USP16: variants seen among roughly 807,000 people sequenced by gnomAD.
USP16 encodes ubiquitin specific peptidase 16, also known as ubiquitin carboxyl-terminal hydrolase 16.
A neutral mutation model predicts 95.9 loss-of-function variants in USP16; 77 were observed. The observed-to-expected ratio is 0.80, with a 90% CI of 0.67 to 0.97. The LOEUF (loss-of-function observed/expected upper bound fraction) is 0.97, where lower values mean the gene tolerates loss of function less well. Among genes scored for constraint, USP16 ranks in the 50% least tolerant of loss-of-function variants. The pLI, the probability that USP16 is intolerant of heterozygous loss-of-function variation, is 0.00. For missense variants in USP16, 943 were observed against 959.9 expected (o/e 0.98, Z 0.23); for synonymous variants, 303 against 318.2 (o/e 0.95, Z 0.51).
At chr21:29,047,934 A>C (rs1487474423) in intron 14 of USP16, among the ~76,000 whole-genome samples, 1 of 151,064 alleles carries the variant, frequency 6.6e-6, no homozygotes, top group Admixed American at 6.6e-5. Flanking sequence ...TGTATCTTAT[A>C]TGTGTGTGTA....
chr21:29,039,671 C>A, intron 9 of USP16, 103 bp downstream of exon 9: 2 of 1,143,428 alleles, frequency 1.7e-6, no homozygotes, highest in Non-Finnish European at 2.4e-6. Flanking sequence ...GTTATTAAGG[C>A]CATCATACTT....
intron 4 of USP16, among the ~76,000 whole-genome samples, chr21:29,036,032 G>A (rs1033321543): frequency 2.0e-5 from 3 of 152,186 alleles, no homozygotes; most frequent in African/African-American, 7.2e-5. Context: ...AACCAGTAAA[G>A]TAAAACGTTT....
intron 3 of USP16, among the ~76,000 whole-genome samples, chr21:29,032,172 T>C (rs2085087023): frequency 6.6e-6 from 1 of 152,226 alleles, no homozygotes; most frequent in Non-Finnish European, 1.5e-5. Context: ...AATTTAGTCA[T>C]TTCATCAAAA....
chr21:29,027,755 G>A, intron 1 of USP16, 118 bp from the exon 2 acceptor site: 1 of 718,576 alleles, frequency 1.4e-6, no homozygotes, highest in East Asian at 2.7e-5. Context: ...ATTGGTCTTT[G>A]TAAATTACAA....
At chr21:29,048,295 G>T (rs748339873) in intron 14 of USP16, among the ~76,000 whole-genome samples, 7 of 151,960 alleles carry the variant, frequency 4.6e-5, no homozygotes, top group Admixed American at 1.3e-4. Context: ...GTTGGCCAGG[G>T]TGGTCTCAAA....
chr21:29,033,151 G>C (rs1161335095), intron 3 of USP16, among the ~76,000 whole-genome samples: 1 of 152,040 alleles, frequency 6.6e-6, no homozygotes, highest in African/African-American at 2.4e-5. Flanking sequence ...AAATTTTTGT[G>C]CTACCTTTTT....
In USP16 at chr21:29,037,467, C is replaced by T. The variant is rs1049878631; in HGVS notation, c.636+4C>T. 1.4e-5 allele frequency: 21 copies of T among 1,545,548 alleles called. No individual in the cohort carries two copies. The highest frequency in any genetic ancestry group is 1.7e-5 in the Non-Finnish European group (20 of 1,149,506). On this transcript the variant is annotated splice_donor_region_variant and intron_variant, in intron 6 of 17. Coordinates refer to ENST00000399976, the MANE Select transcript of USP16 (RefSeq NM_006447.3). ...TTTCTTCAATGCAGTTATGCAGGTACATTGTCATTTTTTTCCCTTTAAAAA... is the reference window on the plus strand; with the variant it reads ...TTTCTTCAATGCAGTTATGCAGGTATATTGTCATTTTTTTCCCTTTAAAAA...
chr21:29,034,737 C>A, intron 3 of USP16, 100 bp from the exon 4 acceptor site: 1 of 1,085,864 alleles, frequency 9.2e-7, no homozygotes. Flanking sequence ...GTAAGAATGG[C>A]AGAATTTCAT....
chr21:29,039,693 C>T (rs2085216186), intron 9 of USP16, 125 bp downstream of exon 9: 1 of 814,950 alleles, frequency 1.2e-6, no homozygotes, highest in African/African-American at 1.7e-5. Context: ...AAAATTTTTT[C>T]TTACACCAGC....
chr21:29,031,484 G>C (rs1343870199), intron 3 of USP16, among the ~76,000 whole-genome samples: 1 of 152,182 alleles, frequency 6.6e-6, no homozygotes, highest in Non-Finnish European at 1.5e-5. Flanking sequence ...TGTCACCCAG[G>C]CTGGAGTGCA....
chr21:29,040,739 T>C, intron 10 of USP16, 52 bp downstream of exon 10: 1 of 978,294 alleles, frequency 1.0e-6, no homozygotes, highest in East Asian at 2.7e-5. Flanking sequence ...CCTCTGTACC[T>C]TAGGACAAGA....
At chr21:29,042,345 A>G (rs1474111513) in intron 11 of USP16, 127 bp from the exon 12 acceptor site, 2 of 1,017,486 alleles carry the variant, frequency 2.0e-6, no homozygotes, top group East Asian at 5.1e-5. Context: ...TTTCATTTCA[A>G]ATTTTCTTAA....
chr21:29,037,579 C>CTT (rs71189336), intron 6 of USP16, 116 bp downstream of exon 6: 944 of 184,102 alleles, frequency 5.1e-3, no homozygotes, highest in Admixed American at 7.0e-3. Context: ...CCAAAGAAAA[C>CTT]TTTTTTTTTT....
intron 14 of USP16, among the ~76,000 whole-genome samples, chr21:29,047,958 A>ATGTGTGTGTATGTATATATATATG (rs2085352915): frequency 6.7e-6 from 1 of 150,088 alleles, no homozygotes; most frequent in Non-Finnish European, 1.5e-5. Flanking sequence ...ATATATATAT[A>ATGTGTGTGTATGTATATATATATG]TGTGTGTGTA....
At chr21:29,052,449 A>C (rs868527346) in intron 16 of USP16, 2 of 151,440 alleles carry the variant, frequency 1.3e-5, no homozygotes. Flanking sequence ...GTGGAGGGAA[A>C]CTCCCCCTTA....
At chr21:29,040,757 C>T in intron 10 of USP16, 70 bp downstream of exon 10, 1 of 755,290 alleles carries the variant, frequency 1.3e-6, no homozygotes, top group South Asian at 2.3e-5. Context: ...AGATTGCTGG[C>T]ACATATATTT....
chr21:29,037,579 CTTTTT>C (rs71189336), intron 6 of USP16, 116 bp downstream of exon 6: 3,121 of 183,030 alleles, frequency 0.017, no homozygotes, highest in South Asian at 0.032. Context: ...CCAAAGAAAA[CTTTTT>C]TTTTTTTTTT....
At chr21:29,027,847 C>G in intron 1 of USP16, 26 bp from the exon 2 acceptor site, 1 of 1,566,082 alleles carries the variant, frequency 6.4e-7, no homozygotes, top group Non-Finnish European at 8.8e-7. Flanking sequence ...TTTTTTTGGT[C>G]AAGCTAACTT....
intron 14 of USP16, among the ~76,000 whole-genome samples, chr21:29,048,048 CGTGTGTGTGTGTGTGTGTGTGTGTGTGT>C (rs67919060): frequency 3.2e-5 from 4 of 123,796 alleles, no homozygotes; most frequent in South Asian, 5.9e-4. Flanking sequence ...AGAGACGATA[CGTGTGTGTGTGTGTGTGTGTGTGTGTGT>C]GTGTGTGTGT....
Sources: gnomAD v4.1 joint callset for allele counts (sites outside exome capture counted in the v4.1 genomes callset) on GRCh38, gnomAD v4.1.1 for gene constraint, MANE v1.5 for transcripts, NCBI Gene and HGNC (gene_info 2026-07-23, HGNC 2026-07-21) for gene names.